SPEF2: variants seen among roughly 807,000 people sequenced by gnomAD.
SPEF2 encodes the protein sperm flagellar and cilia associated 2, also known as sperm flagella and cilia-associated protein 2.
A neutral mutation model predicts 224.6 loss-of-function variants in SPEF2; 187 were observed. The observed-to-expected ratio is 0.83, with a 90% CI of 0.74 to 0.94. The LOEUF (loss-of-function observed/expected upper bound fraction) is 0.94, where lower values mean the gene tolerates loss of function less well. Among genes scored for constraint, SPEF2 ranks in the 40% least tolerant of loss-of-function variants. The pLI, the probability that SPEF2 is intolerant of heterozygous loss-of-function variation, is 0.00. For synonymous variants in SPEF2, 715 were observed against 707.3 expected (o/e 1.01, Z -0.17); for missense variants, 2,170 against 2,135.6 (o/e 1.02, Z -0.32).
intron 1 of SPEF2, among the ~76,000 whole-genome samples, chr5:35,623,401 G>T (rs912843207): frequency 6.6e-6 from 1 of 152,076 alleles, no homozygotes; most frequent in South Asian, 2.1e-4. Flanking sequence ...TTTCCTACTC[G>T]AGTAAAGGAG....
intron 10 of SPEF2, among the ~76,000 whole-genome samples, chr5:35,688,865 G>A (rs1418494819): frequency 2.0e-5 from 3 of 152,142 alleles, no homozygotes; most frequent in African/African-American, 4.8e-5. Flanking sequence ...ATGTCAATTA[G>A]TATCTTCATT....
chr5:35,664,431 C>T (rs1750163417), intron 8 of SPEF2, among the ~76,000 whole-genome samples: 2 of 152,028 alleles, frequency 1.3e-5, no homozygotes, highest in Admixed American at 6.6e-5. Flanking sequence ...TGGCTCACAC[C>T]TGTAATCCCA....
At chr5:35,762,641 A>G (rs1232652243) in intron 25 of SPEF2, among the ~76,000 whole-genome samples, 2 of 152,168 alleles carry the variant, frequency 1.3e-5, no homozygotes, top group South Asian at 2.1e-4. Flanking sequence ...TCTAGTTTCA[A>G]CAGAGGCATC....
intron 24 of SPEF2, among the ~76,000 whole-genome samples, chr5:35,756,566 G>C (rs957201532): frequency 6.6e-6 from 1 of 152,204 alleles, no homozygotes; most frequent in African/African-American, 2.4e-5. Flanking sequence ...TTTTGTCCAG[G>C]ATGCTCAAAA....
chr5:35,657,542 C>T (rs187529689), intron 7 of SPEF2, among the ~76,000 whole-genome samples: 4 of 151,994 alleles, frequency 2.6e-5, no homozygotes, highest in Non-Finnish European at 5.9e-5. Context: ...ACTTCTTGAA[C>T]AATTGAGTAT....
intron 30 of SPEF2, chr5:35,789,617 T>A (rs771742206): frequency 2.2e-5 from 14 of 632,802 alleles, no homozygotes; most frequent in South Asian, 1.3e-4. Context: ...TCAAGAGACT[T>A]CAAGGCTGTT....
intron 36 of SPEF2, among the ~76,000 whole-genome samples, chr5:35,808,769 TAC>T (rs1254335868): frequency 6.8e-6 from 1 of 147,850 alleles, no homozygotes; most frequent in African/African-American, 2.5e-5. Flanking sequence ...TGTATATATA[TAC>T]ACACATATAT....
At chr5:35,752,935 T>C (rs1237726844) in intron 23 of SPEF2, among the ~76,000 whole-genome samples, 1 of 149,672 alleles carries the variant, frequency 6.7e-6, no homozygotes, top group Non-Finnish European at 1.5e-5. Context: ...TGTAAATTAT[T>C]AAATATATAT....
intron 10 of SPEF2, among the ~76,000 whole-genome samples, chr5:35,677,835 C>G (rs1310592953): frequency 6.6e-6 from 1 of 152,136 alleles, no homozygotes; most frequent in Non-Finnish European, 1.5e-5. Context: ...TGTCAGTTAC[C>G]CATGGTAATC....
chr5:35,735,640 T>A (rs1351087762), intron 21 of SPEF2, among the ~76,000 whole-genome samples: 1 of 152,218 alleles, frequency 6.6e-6, no homozygotes, highest in Non-Finnish European at 1.5e-5. Context: ...CATGTGTAAT[T>A]CCCTGAGTGA....
At chr5:35,659,464 T>G (rs1034993128) in intron 8 of SPEF2, among the ~76,000 whole-genome samples, 3 of 152,154 alleles carry the variant, frequency 2.0e-5, no homozygotes, top group African/African-American at 7.2e-5. Flanking sequence ...CCAACCCTTA[T>G]GTCCATGTCT....
At chr5:35,727,871 A>G (rs1164333849) in intron 21 of SPEF2, 48 bp downstream of exon 21, 4 of 1,582,218 alleles carry the variant, frequency 2.5e-6, no homozygotes, top group African/African-American at 1.4e-5. Context: ...TTTCTCCTGC[A>G]TATAGTAAGA....
intron 16 of SPEF2, chr5:35,702,055 C>A (rs1738748052): frequency 7.4e-6 from 3 of 406,988 alleles, no homozygotes; most frequent in Admixed American, 5.5e-5. Flanking sequence ...TTAGAAGCAG[C>A]AGCTAATGGA....
intron 7 of SPEF2, 106 bp downstream of exon 7, chr5:35,654,832 C>T (rs906021695): frequency 2.2e-6 from 2 of 921,098 alleles, no homozygotes; most frequent in Non-Finnish European, 3.1e-6. Flanking sequence ...TGCTACTCTG[C>T]ATCAAATGTC....
intron 1 of SPEF2, among the ~76,000 whole-genome samples, chr5:35,619,741 A>G (rs1440821295): frequency 6.6e-6 from 1 of 152,100 alleles, no homozygotes; most frequent in Non-Finnish European, 1.5e-5. Context: ...AGTCCCCAGG[A>G]CTCTATTGCA....
intron 31 of SPEF2, 95 bp downstream of exon 31, chr5:35,792,541 C>T: frequency 1.0e-6 from 1 of 970,454 alleles, no homozygotes; most frequent in East Asian, 2.5e-5. Flanking sequence ...TGCATAGTGT[C>T]TGACATTTAG....
chr5:35,681,434 T>C (rs1752784580), intron 10 of SPEF2, among the ~76,000 whole-genome samples: 1 of 152,144 alleles, frequency 6.6e-6, no homozygotes, highest in African/African-American at 2.4e-5. Flanking sequence ...AATTAAGAAT[T>C]ACTCTCCCTA....
chr5:35,713,772 ATATATATTATATATAGTG>A lies in SPEF2; in HGVS notation c.2914+888_2914+905del, dbSNP rs1405552869. On this transcript the variant is annotated intron_variant, in intron 20 of 36. Transcript: ENST00000356031. ...ATTTTATATATATTTTATATATAGT[ATATATATTATATATAGTG>A]TTATATATTTTATATATAGTATATA... Among the ~76,000 whole-genome samples the A allele has an allele frequency of 9.3e-3, 878 of 94,812 alleles. 113 individuals are homozygous for A. The highest frequency in any genetic ancestry group is 0.044 in the East Asian group (113 of 2,568). The allele number at this position is 94,812 out of a possible 152,430, so 62.2% of individuals were successfully genotyped here. A position where few individuals can be genotyped will look rare whatever the true frequency, so the allele number is the denominator to read the frequency against.
At chr5:35,694,407 G>T (rs1419056228) in intron 13 of SPEF2, 44 bp downstream of exon 13, 1 of 1,497,204 alleles carries the variant, frequency 6.7e-7, no homozygotes, top group Non-Finnish European at 9.2e-7. Context: ...ATTAGAGAGA[G>T]AAACAATGAG....
Sources: allele counts gnomAD v4.1 joint callset (sites outside exome capture counted in the v4.1 genomes callset), GRCh38; gene constraint gnomAD v4.1.1; transcripts MANE v1.5; gene names NCBI Gene and HGNC (gene_info 2026-07-23, HGNC 2026-07-21).